The following HDAC9 variants were observed in gnomAD, a reference collection of about 807,000 sequenced individuals.
HDAC9 encodes the protein MEF-2 interacting transcription repressor (MITR) protein.
A neutral mutation model predicts 139.4 loss-of-function variants in HDAC9; 41 were observed. The ratio of observed to expected loss-of-function variants is 0.29; its 90% CI spans 0.23 to 0.38. HDAC9 has a LOEUF of 0.38. Ranked by LOEUF, HDAC9 falls within the 10% of genes least tolerant of loss-of-function variation. The pLI is 1.00. For synonymous variants in HDAC9, 517 were observed against 476.2 expected, an observed-to-expected ratio of 1.09 and a Z score of -1.12; for missense variants, 1,147 against 1,297.0, an observed-to-expected ratio of 0.88 and a Z score of 1.78.
chr7:18,360,961 G>T (rs745977570), intron 1 of HDAC9, among the ~76,000 whole-genome samples: 2 of 152,136 alleles, frequency 1.3e-5, no homozygotes, highest in Non-Finnish European at 2.9e-5. Context: ...CCTTGTCTGG[G>T]ATCAGTTTTG....
chr7:18,118,079 T>G (rs895130122), intron 1 of HDAC9, among the ~76,000 whole-genome samples: 1 of 152,194 alleles, frequency 6.6e-6, no homozygotes, highest in African/African-American at 2.4e-5. Flanking sequence ...ACAACCAACA[T>G]TTATGGGAGT....
At chr7:18,760,125 A>G (rs10266064) in intron 14 of HDAC9, among the ~76,000 whole-genome samples, 2,315 of 152,250 alleles carry the variant, frequency 0.015, 55 homozygotes, top group African/African-American at 0.053. Context: ...TCAAAGACCC[A>G]TAGAAGGAGG....
At chr7:18,891,658 G>A (rs1315239628) in intron 22 of HDAC9, among the ~76,000 whole-genome samples, 2 of 152,140 alleles carry the variant, frequency 1.3e-5, no homozygotes, top group Non-Finnish European at 2.9e-5. Context: ...TGACTGACTT[G>A]AGGTGGTGTT....
intron 1 of HDAC9, among the ~76,000 whole-genome samples, chr7:18,457,519 A>G (rs1793447885): frequency 6.6e-6 from 1 of 152,230 alleles, no homozygotes; most frequent in African/African-American, 2.4e-5. Context: ...AATTATTCAT[A>G]AACTTTTAAT....
At chr7:18,623,900 C>T (rs1325310834) in intron 6 of HDAC9, among the ~76,000 whole-genome samples, 2 of 152,130 alleles carry the variant, frequency 1.3e-5, no homozygotes, top group Non-Finnish European at 2.9e-5. Context: ...GATCACGGCA[C>T]TGCATTCCAG....
chr7:18,487,872 CT>C (rs1398927881), intron 1 of HDAC9, among the ~76,000 whole-genome samples: 2 of 151,984 alleles, frequency 1.3e-5, no homozygotes, highest in African/African-American at 4.8e-5. Flanking sequence ...TCTGGGTTGA[CT>C]TTTGGTATCT....
chr7:18,476,671 A>T lies in HDAC9; in HGVS notation c.-41-19591A>T, dbSNP rs187380447. The stretch of plus-strand genomic sequence containing the variant: ...AAATGATTATCATACAGTTAATTTT[A>T]AAAGTCCAATTAAATATCTTATTTC... On this transcript the variant is annotated intron_variant, in intron 1 of 3. Transcript: ENST00000413509. 1.9e-3 allele frequency among the ~76,000 whole-genome samples: 285 copies of T among 152,298 alleles called. 1 individual carries two copies. The highest frequency in any genetic ancestry group is 6.8e-3 in the Middle Eastern group (2 of 294).
chr7:18,704,016 G>T (rs1177377384), intron 12 of HDAC9, among the ~76,000 whole-genome samples: 1 of 152,178 alleles, frequency 6.6e-6, no homozygotes, highest in Non-Finnish European at 1.5e-5. Flanking sequence ...AGAGGAGGAG[G>T]GTGGCTTGGA....
chr7:18,269,751 T>A (rs12666653), intron 2 of HDAC9, among the ~76,000 whole-genome samples: 62,083 of 151,846 alleles, frequency 0.41, 14,283 homozygotes, highest in Admixed American at 0.53. Flanking sequence ...TATATACATA[T>A]ATACACATAT....
At chr7:18,715,240 GT>G (rs1784615617) in intron 12 of HDAC9, among the ~76,000 whole-genome samples, 1 of 139,262 alleles carries the variant, frequency 7.2e-6, no homozygotes, top group African/African-American at 2.7e-5. Context: ...TAAGGGGAAA[GT>G]GTTTTTTTTT....
intron 1 of HDAC9, among the ~76,000 whole-genome samples, chr7:18,371,527 A>G (rs994375801): frequency 3.3e-5 from 5 of 152,182 alleles, no homozygotes; most frequent in African/African-American, 1.2e-4. Context: ...CTATTATAAT[A>G]CATGTATTAG....
At chr7:18,557,546 G>C (rs1819220686) in intron 2 of HDAC9, among the ~76,000 whole-genome samples, 1 of 150,814 alleles carries the variant, frequency 6.6e-6, no homozygotes, top group Non-Finnish European at 1.5e-5. Context: ...AGAATACACA[G>C]AATCTGTTAC....
At chr7:18,949,009 A>G in intron 23 of HDAC9, 1 of 405,602 alleles carries the variant, frequency 2.5e-6, no homozygotes, top group Non-Finnish European at 4.7e-6. Flanking sequence ...GAAGAGAACC[A>G]CCTTTTTGTG....
At chr7:18,267,371 G>T (rs929129861) in intron 2 of HDAC9, among the ~76,000 whole-genome samples, 1 of 151,964 alleles carries the variant, frequency 6.6e-6, no homozygotes, top group Non-Finnish European at 1.5e-5. Context: ...TCACCATGAC[G>T]TACAATAGAT....
At position 18,154,342 on chromosome 7, in the gene HDAC9, G is replaced by C. The variant is rs556937334; in HGVS notation, c.-96-7887G>C. ...GAATGAAAAAAAGCTTTAGTAATTA[G>C]ATACCTGCTGTAACCCTAGTGGAGT... On this transcript the variant is annotated intron_variant, in intron 1 of 12. Coordinates refer to the HDAC9 transcript ENST00000417496. Among the ~76,000 whole-genome samples, 19 of 152,286 alleles carry C rather than the reference G, an allele frequency of 1.2e-4. No homozygotes were observed. The South Asian group carries it at 3.7e-3, about 30-fold the overall frequency.
intron 21 of HDAC9, among the ~76,000 whole-genome samples, chr7:18,858,706 T>C (rs1314247052): frequency 1.3e-5 from 2 of 152,190 alleles, no homozygotes; most frequent in African/African-American, 4.8e-5. Context: ...TTATCTTAAA[T>C]AATAAAACTA....
intron 2 of HDAC9, among the ~76,000 whole-genome samples, chr7:18,188,787 A>G (rs534116653): frequency 4.6e-5 from 7 of 152,346 alleles, no homozygotes; most frequent in Non-Finnish European, 7.3e-5. Context: ...CAAAACCACA[A>G]TGAGATACTA....
At chr7:18,274,162 G>T (rs922366093) in intron 2 of HDAC9, among the ~76,000 whole-genome samples, 4 of 152,132 alleles carry the variant, frequency 2.6e-5, no homozygotes, top group African/African-American at 9.7e-5. Context: ...TAAAAAAATA[G>T]AATCAAAGTG....
intron 1 of HDAC9, among the ~76,000 whole-genome samples, chr7:18,114,125 C>G (rs541157871): frequency 6.6e-6 from 1 of 152,126 alleles, no homozygotes; most frequent in Non-Finnish European, 1.5e-5. Flanking sequence ...ACAGCTGGTC[C>G]TTGTGTTTGT....
Sources: allele counts gnomAD v4.1 joint callset (sites outside exome capture counted in the v4.1 genomes callset), GRCh38; gene constraint gnomAD v4.1.1; transcripts MANE v1.5; gene names NCBI Gene and HGNC (gene_info 2026-07-23, HGNC 2026-07-21).